COBLL1: variants seen among roughly 807,000 people sequenced by gnomAD.
COBLL1 encodes cordon-bleu protein-like 1.
A neutral mutation model predicts 94.8 loss-of-function variants in COBLL1; 50 were observed. That is an observed-to-expected ratio of 0.53 (90% CI 0.42 to 0.67). The LOEUF is 0.67. Ranked by LOEUF, COBLL1 falls within the 30% of genes least tolerant of loss-of-function variation. The probability of loss-of-function intolerance (pLI) is 0.00; values close to 1 mark genes in which losing one functional copy is unlikely to be tolerated. For missense variants in COBLL1, 1,362 were observed against 1,348.7 expected, an observed-to-expected ratio of 1.01 and a Z score of -0.15; for synonymous variants, 448 against 473.8, an observed-to-expected ratio of 0.95 and a Z score of 0.71.
At chr2:164,739,268 A>G (rs1686475477) in intron 3 of COBLL1, among the ~76,000 whole-genome samples, 1 of 152,114 alleles carries the variant, frequency 6.6e-6, no homozygotes, top group South Asian at 2.1e-4. Flanking sequence ...ACCACCGCCA[A>G]CCCCACTGTG....
rs762591817 is a variant in COBLL1, at chr2:164,703,206, C to T, written c.1225+1238G>A. 1.5e-5 allele frequency: 24 copies of T among 1,612,114 alleles called. No homozygotes were observed. The highest frequency in any genetic ancestry group is 2.0e-5 in the Non-Finnish European group (24 of 1,179,056). ...GTGCACTGCTCCTGACTGGAAAGCC[C>T]AGGGTGAAAGGTTTCTGCCAAAGAA... On this transcript the variant is annotated intron_variant, in intron 9 of 13. Transcript: ENST00000652658.
At chr2:164,675,077 CTT>C in intron 1 of COBLL1, among the ~76,000 whole-genome samples, 1 of 152,158 alleles carries the variant, frequency 6.6e-6, no homozygotes, top group East Asian at 1.9e-4. Flanking sequence ...AGGCACAAAT[CTT>C]TGTGATGCTT....
intron 2 of COBLL1, among the ~76,000 whole-genome samples, chr2:164,824,995 T>G (rs1685356372): frequency 6.6e-6 from 1 of 152,240 alleles, no homozygotes; most frequent in Non-Finnish European, 1.5e-5. Context: ...TATCTACCAC[T>G]GCCTGGCCAC....
At chr2:164,805,625 T>C (rs1456742003) in intron 2 of COBLL1, among the ~76,000 whole-genome samples, 1 of 151,884 alleles carries the variant, frequency 6.6e-6, no homozygotes, top group African/African-American at 2.4e-5. Context: ...CTGAGTAATA[T>C]GCATTTAAGG....
intron 13 of COBLL1, among the ~76,000 whole-genome samples, chr2:164,686,790 T>G (rs959397576): frequency 6.6e-6 from 1 of 152,212 alleles, no homozygotes; most frequent in Admixed American, 6.5e-5. Flanking sequence ...ACATCATACT[T>G]GCAATATAAT....
intron 1 of COBLL1, among the ~76,000 whole-genome samples, chr2:164,672,730 T>A (rs868799473): frequency 0.012 from 1,426 of 116,708 alleles, 15 homozygotes; most frequent in African/African-American, 0.038. Flanking sequence ...AAAAAAAAAA[T>A]GACTTTGTAA....
chr2:164,695,843 G>GA lies in COBLL1; in HGVS notation c.1556-8dup, dbSNP rs34305002. ...ATTATTTCATTTTGAACTACTGAGAGAAAAAAATCATCAAGTTAAATATAT... is the reference window on the plus strand; with the variant it reads ...ATTATTTCATTTTGAACTACTGAGAGAAAAAAAATCATCAAGTTAAATATAT... On this transcript the variant is annotated splice_polypyrimidine_tract_variant and splice_region_variant and intron_variant, in intron 11 of 13. Transcript: ENST00000652658. The GA allele has an allele frequency of 2.0e-6, 3 of 1,531,726 alleles. No homozygotes were observed. Among genetic ancestry groups the GA allele is most frequent in the East Asian group, 2.3e-5 (1 of 44,136 alleles). The allele number at this position is 1,531,726 out of a possible 1,614,324, so 94.9% of individuals were successfully genotyped here. A position where few individuals can be genotyped will look rare whatever the true frequency, so the allele number is the denominator to read the frequency against.
intron 13 of COBLL1, among the ~76,000 whole-genome samples, chr2:164,691,969 T>C (rs62173908): frequency 2.0e-3 from 298 of 152,240 alleles, no homozygotes; most frequent in Non-Finnish European, 3.4e-3. Flanking sequence ...TCCAGGGTAT[T>C]CTCTATATAG....
At position 164,684,896 on chromosome 2, in the gene COBLL1, T is replaced by C. The variant is rs1683207662; in HGVS notation, c.*1050A>G. The C allele has an allele frequency of 6.6e-6, 1 of 152,130 alleles. No homozygotes were observed. The highest frequency in any genetic ancestry group is 2.4e-5 in the African/African-American group (1 of 41,446). 9.4% of individuals were successfully genotyped at this position (152,130 alleles called of 1,614,324 possible). A position where few individuals can be genotyped will look rare whatever the true frequency, so the allele number is the denominator to read the frequency against. On this transcript the variant is annotated 3_prime_UTR_variant, in exon 14 of 14. Transcript: ENST00000652658. ...CAGAATAAGTGAGCAATTAAATTCTTAAAGTAGGGACAGAACACCAACAGG... is the reference window on the plus strand; with the variant it reads ...CAGAATAAGTGAGCAATTAAATTCTCAAAGTAGGGACAGAACACCAACAGG...
At chr2:164,692,895 C>T (rs1248909111) in intron 12 of COBLL1, among the ~76,000 whole-genome samples, 1 of 152,104 alleles carries the variant, frequency 6.6e-6, no homozygotes, top group African/African-American at 2.4e-5. Context: ...CTATGCTACA[C>T]TTAGTAGCTT....
intron 2 of COBLL1, among the ~76,000 whole-genome samples, chr2:164,662,285 G>C (rs182758021): frequency 9.4e-4 from 143 of 152,214 alleles, no homozygotes; most frequent in South Asian, 2.3e-3. Flanking sequence ...GAATGACCTT[G>C]AGGCTACTCA....
chr2:164,709,487 A>C lies in COBLL1; in HGVS notation c.997-4382T>G, dbSNP rs571666407. ...AATCCCAGCACTTTGGGAAGCCAAG[A>C]TAGGTAGAATATCTGAGGACAGGAA... is the stretch of plus-strand genomic sequence containing the variant. On this transcript the variant is annotated intron_variant, in intron 7 of 13. Coordinates refer to ENST00000652658, the MANE Select transcript of COBLL1 (RefSeq NM_001365672.2). Among the ~76,000 whole-genome samples the C allele has an allele frequency of 8.5e-5, 13 of 152,276 alleles. No homozygotes were observed. The South Asian group carries it at 2.7e-3, about 32-fold the overall frequency.
In COBLL1 at chr2:164,760,806, C is replaced by T. The variant is rs541945938; in HGVS notation, c.42-16931G>A. 3.1e-4 allele frequency among the ~76,000 whole-genome samples: 47 copies of T among 152,256 alleles called. 1 individual carries two copies. The South Asian group carries it at 9.1e-3, about 30-fold the overall frequency. ...CTCAAAATTTGGTAGATATTAGAAT[C>T]ACCTATGGAACTTGTTTATAACACA... On this transcript the variant is annotated intron_variant, in intron 2 of 13. Transcript: ENST00000652658.
intron 2 of COBLL1, among the ~76,000 whole-genome samples, chr2:164,762,476 AAG>A (rs1299520335): frequency 3.9e-5 from 6 of 152,230 alleles, no homozygotes; most frequent in Admixed American, 3.3e-4. Flanking sequence ...GCTGGATTAC[AAG>A]ACAGTATACT....
At chr2:164,818,329 CAT>C (rs142310541) in intron 2 of COBLL1, among the ~76,000 whole-genome samples, 25,222 of 141,486 alleles carry the variant, frequency 0.18, 2,963 homozygotes, top group African/African-American at 0.28. Flanking sequence ...TGTATGTATA[CAT>C]ATATGTATAT....
chr2:164,837,831 A>C (rs1683394888), intron 2 of COBLL1, among the ~76,000 whole-genome samples: 1 of 152,218 alleles, frequency 6.6e-6, no homozygotes, highest in Non-Finnish European at 1.5e-5. Flanking sequence ...TTCCAAAAAG[A>C]AGCCCATAAG....
chr2:164,763,957 CG>C (rs1687815544), intron 2 of COBLL1, among the ~76,000 whole-genome samples: 1 of 152,086 alleles, frequency 6.6e-6, no homozygotes, highest in African/African-American at 2.4e-5. Flanking sequence ...AGTGCAGGGG[CG>C]TAACTGTGGC....
chr2:164,733,727 C>A (rs916256091), intron 3 of COBLL1, among the ~76,000 whole-genome samples: 1 of 152,126 alleles, frequency 6.6e-6, no homozygotes, highest in Non-Finnish European at 1.5e-5. Context: ...TAACCTGATT[C>A]CTTACACCAA....
intron 2 of COBLL1, among the ~76,000 whole-genome samples, chr2:164,830,789 A>C (rs1683040057): frequency 6.6e-6 from 1 of 152,250 alleles, no homozygotes; most frequent in South Asian, 2.1e-4. Context: ...GTAAACTAGA[A>C]GGTGGAATAG....
Sources: allele counts gnomAD v4.1 joint callset (sites outside exome capture counted in the v4.1 genomes callset), GRCh38; gene constraint gnomAD v4.1.1; transcripts MANE v1.5; gene names NCBI Gene and HGNC (gene_info 2026-07-23, HGNC 2026-07-21).